The following TRPV3 variants were observed in gnomAD, a reference collection of about 807,000 sequenced individuals.
TRPV3 encodes transient receptor potential cation channel subfamily V member 3.
In TRPV3, 88 loss-of-function variants were observed where a neutral mutation model predicts 87.1. The ratio of observed to expected loss-of-function variants is 1.01; its 90% CI spans 0.85 to 1.21. TRPV3 has a LOEUF of 1.21. Among genes scored for constraint, TRPV3 ranks in the 50% most tolerant of loss-of-function variants. TRPV3 has a pLI of 0.00. For missense variants in TRPV3, 1,054 were observed against 1,030.1 expected (o/e 1.02, Z -0.32); for synonymous variants, 438 against 423.3 (o/e 1.03, Z -0.43).
At chr17:3,555,473 C>T (rs533249377) in intron 1 of TRPV3, among the ~76,000 whole-genome samples, 12 of 152,314 alleles carry the variant, frequency 7.9e-5, no homozygotes, top group African/African-American at 1.4e-4. Context: ...TCATCTCCCC[C>T]GCCCACCCAA....
intron 13 of TRPV3, among the ~76,000 whole-genome samples, chr17:3,523,055 T>C (rs1278349628): frequency 6.6e-6 from 1 of 152,124 alleles, no homozygotes; most frequent in Non-Finnish European, 1.5e-5. Context: ...TCATGAAAAT[T>C]GGTAAATGCC....
chr17:3,537,528 T>C (rs1318972931), intron 6 of TRPV3, among the ~76,000 whole-genome samples: 1 of 152,088 alleles, frequency 6.6e-6, no homozygotes, highest in African/African-American at 2.4e-5. Context: ...ACCTCGGAGA[T>C]TTCTGTATTT....
chr17:3,514,299 A>C (rs1164105612), intron 17 of TRPV3: 1 of 493,294 alleles, frequency 2.0e-6, no homozygotes. Flanking sequence ...GGCTGGTCTC[A>C]AACTCCTGAC....
At chr17:3,547,368 C>A (rs1473389088) in intron 2 of TRPV3, among the ~76,000 whole-genome samples, 1 of 152,158 alleles carries the variant, frequency 6.6e-6, no homozygotes, top group Non-Finnish European at 1.5e-5. Flanking sequence ...AGTCTGTAAT[C>A]CCAGCACTTT....
chr17:3,535,186 T>C (rs1461309775), intron 7 of TRPV3, among the ~76,000 whole-genome samples: 1 of 77,964 alleles, frequency 1.3e-5, no homozygotes, highest in Non-Finnish European at 2.8e-5. Context: ...CCTCCTCCCT[T>C]CCTCCCTCTC....
chr17:3,544,814 T>C (rs2074508293), intron 3 of TRPV3, 149 bp from the exon 4 acceptor site: 1 of 641,940 alleles, frequency 1.6e-6, no homozygotes, highest in East Asian at 3.0e-5. Context: ...CTGGCCAACA[T>C]GGTGAAACTA....
rs756460724 is a variant in TRPV3 at position 3,530,140 on chromosome 17, A to T, written c.1129T>A (p.Phe377Ile). The T allele has an allele frequency of 6.2e-7, 1 of 1,614,040 alleles. No homozygotes were observed. The highest frequency in any genetic ancestry group is 1.7e-5 in the Admixed American group (1 of 60,018). ...EKRLRSLSRK[F>I]TDWAYGPVSS... The stretch of plus-strand genomic sequence containing the variant: ...ACGGGTCCGTACGCCCAGTCGGTGA[A>T]CTTCCTGGACAGGCTCCGGAGCCGC... Residue 377 changes from phenylalanine to isoleucine, a missense_variant, in exon 9 of 18, where the codon TTC becomes ATC. Transcript: ENST00000576742. The surrounding 1 kb of genome is among the most constrained non-coding windows in gnomAD (Gnocchi z 4.0).
chr17:3,549,167 T>G (rs1450573155), intron 2 of TRPV3, among the ~76,000 whole-genome samples: 2 of 152,200 alleles, frequency 1.3e-5, no homozygotes, highest in Admixed American at 1.3e-4. Context: ...CACAGCTTTT[T>G]CCCCAAGAAT....
At chr17:3,531,083 C>A (rs374416) in intron 8 of TRPV3, among the ~76,000 whole-genome samples, 75,087 of 131,062 alleles carry the variant, frequency 0.57, 20,861 homozygotes, top group East Asian at 0.69. Flanking sequence ...AACAAACAAA[C>A]AAAAAAACCA....
At chr17:3,546,606 G>C (rs1380920761) in intron 2 of TRPV3, 3 of 455,354 alleles carry the variant, frequency 6.6e-6, no homozygotes, top group Non-Finnish European at 1.3e-5. Context: ...GGCCCCCCTT[G>C]GAGACATGTG....
At chr17:3,534,574 C>T (rs575554137) in intron 7 of TRPV3, among the ~76,000 whole-genome samples, 2 of 152,154 alleles carry the variant, frequency 1.3e-5, no homozygotes, top group Non-Finnish European at 1.5e-5. Flanking sequence ...CAACTCGACG[C>T]ACTGTGAAAA....
intron 6 of TRPV3, among the ~76,000 whole-genome samples, chr17:3,541,541 G>C (rs1460532507): frequency 6.6e-6 from 1 of 152,124 alleles, no homozygotes. Context: ...TTTCCCCTGT[G>C]GATTTCCTGG....
chr17:3,517,695 T>C (rs1303197833), intron 15 of TRPV3, among the ~76,000 whole-genome samples: 1 of 151,090 alleles, frequency 6.6e-6, no homozygotes, highest in Non-Finnish European at 1.5e-5. Context: ...CTTTTCTCCC[T>C]GTAGTAACCC....
At chr17:3,522,765 C>A (rs948114262) in intron 13 of TRPV3, among the ~76,000 whole-genome samples, 2 of 148,164 alleles carry the variant, frequency 1.3e-5, no homozygotes, top group Admixed American at 1.4e-4. Context: ...TGCAGTGAGC[C>A]GAGATTGCAC....
intron 11 of TRPV3, among the ~76,000 whole-genome samples, chr17:3,527,269 T>TC (rs925483070): frequency 2.0e-5 from 3 of 152,104 alleles, no homozygotes; most frequent in African/African-American, 7.2e-5. Flanking sequence ...GTTCCCCATA[T>TC]CCACCCTGTA....
At chr17:3,551,398 C>T (rs1157169604) in intron 2 of TRPV3, among the ~76,000 whole-genome samples, 1 of 152,264 alleles carries the variant, frequency 6.6e-6, no homozygotes, top group African/African-American at 2.4e-5. Context: ...CCCAGTGACA[C>T]CCTGGCTCCA....
Position 3,554,728 on chromosome 17 carries a change from C to T in TRPV3, c.119+4G>A, listed in dbSNP as rs1207716777. ...AGTCCGTGTCCCGAGCTCTCCAAAC[C>T]CACCTCTTCTTTGTGGGGGTGATCT... On this transcript the variant is annotated splice_donor_region_variant and intron_variant, in intron 2 of 17. Transcript: ENST00000576742. 1 of 1,603,044 alleles carries T rather than the reference C, an allele frequency of 6.2e-7. No individual in the cohort carries two copies. Among genetic ancestry groups the T allele is most frequent in the East Asian group, 2.2e-5 (1 of 44,692 alleles).
chr17:3,554,687 C>A, intron 2 of TRPV3, 45 bp downstream of exon 2: 2 of 1,366,034 alleles, frequency 1.5e-6, no homozygotes, highest in South Asian at 1.3e-5. Flanking sequence ...CCCACTCGTG[C>A]CCCTCACAGT....
intron 1 of TRPV3, 145 bp from the exon 2 acceptor site, chr17:3,554,997 C>T: frequency 1.7e-6 from 1 of 590,990 alleles, no homozygotes; most frequent in Non-Finnish European, 3.0e-6. Flanking sequence ...GTTCACCAAT[C>T]CTTCTTCAAG....
Sources: gnomAD v4.1 joint callset for allele counts (sites outside exome capture counted in the v4.1 genomes callset) on GRCh38, gnomAD v4.1.1 for gene constraint, Gnocchi (gnomAD v3.1) non-coding constraint, MANE v1.5 for transcripts, NCBI Gene and HGNC (gene_info 2026-07-23, HGNC 2026-07-21) for gene names.